Variants in EBF2 observed in about 807,000 individuals in gnomAD.
EBF2 encodes the protein transcription factor COE2.
Under a neutral mutation model 72.8 loss-of-function variants are expected in EBF2, and 21 were observed. The ratio of observed to expected loss-of-function variants is 0.29; its 90% confidence interval spans 0.20 to 0.42. EBF2 has a LOEUF of 0.42. Among genes scored for constraint, EBF2 ranks in the 10% least tolerant of loss-of-function variants. The pLI is 1.00. For missense variants in EBF2, 637 were observed against 731.2 expected, an observed-to-expected ratio of 0.87 and a Z score of 1.49; for synonymous variants, 299 against 274.2, an observed-to-expected ratio of 1.09 and a Z score of -0.89.
chr8:25,859,439 T>C (rs1156746896), intron 13 of EBF2, among the ~76,000 whole-genome samples: 1 of 152,130 alleles, frequency 6.6e-6, no homozygotes, highest in Non-Finnish European at 1.5e-5. Context: ...ATTCAAAAAG[T>C]GTGGATGAGT....
At chr8:26,005,206 G>GATAT (rs566917773) in intron 6 of EBF2, among the ~76,000 whole-genome samples, 2 of 97,774 alleles carry the variant, frequency 2.0e-5, no homozygotes, top group African/African-American at 8.0e-5. Context: ...GGGAGATGGA[G>GATAT]ATATATATAT....
chr8:26,017,658 G>T (rs985520891), intron 6 of EBF2, among the ~76,000 whole-genome samples: 1 of 152,168 alleles, frequency 6.6e-6, no homozygotes, highest in Admixed American at 6.5e-5. Context: ...CTGTGCCAAA[G>T]GATGCTTGGA....
intron 6 of EBF2, among the ~76,000 whole-genome samples, chr8:25,972,258 G>A (rs976252112): frequency 2.0e-5 from 3 of 152,168 alleles, no homozygotes; most frequent in Non-Finnish European, 4.4e-5. Flanking sequence ...CCCCGAGGGA[G>A]CCAACAATTA....
chr8:26,013,909 A>G (rs543261162), intron 6 of EBF2, among the ~76,000 whole-genome samples: 1 of 152,218 alleles, frequency 6.6e-6, no homozygotes, highest in South Asian at 2.1e-4. Flanking sequence ...TTCCCAAACC[A>G]TCAGGCTCTT....
Position 25,972,300 on chromosome 8 carries a change from G to A in EBF2, c.551+60785C>T, listed in dbSNP as rs188322151. Among the ~76,000 whole-genome samples the A allele has an allele frequency of 1.5e-4, 23 of 152,272 alleles. No homozygotes were observed. The East Asian group carries it at 1.7e-3, about 12-fold the overall frequency. On this transcript the variant is annotated intron_variant, in intron 6 of 15. Coordinates refer to ENST00000520164, the MANE Select transcript of EBF2 (RefSeq NM_022659.4). The stretch of plus-strand genomic sequence containing the variant: ...TGGTCCACCCATGACTAGGGATTGA[G>A]GGAGGCACCATCCCTCACCTTGGGT...
intron 2 of EBF2, 101 bp downstream of exon 2, chr8:26,041,994 G>T: frequency 6.7e-7 from 1 of 1,499,300 alleles, no homozygotes; most frequent in Non-Finnish European, 9.1e-7. Context: ...ATCCCTGATG[G>T]TGAGAGTGGA....
intron 6 of EBF2, among the ~76,000 whole-genome samples, chr8:25,926,745 C>T (rs185175389): frequency 6.6e-6 from 1 of 152,330 alleles, no homozygotes; most frequent in African/African-American, 2.4e-5. Context: ...CCATTCAACA[C>T]AGACAGGAGT....
chr8:25,894,591 A>G (rs984332696), intron 7 of EBF2, among the ~76,000 whole-genome samples: 3 of 151,672 alleles, frequency 2.0e-5, no homozygotes, highest in African/African-American at 7.3e-5. Context: ...GGTTTGCTTC[A>G]CTCTTCAAAA....
At chr8:26,010,690 T>G (rs1804964887) in intron 6 of EBF2, among the ~76,000 whole-genome samples, 2 of 152,230 alleles carry the variant, frequency 1.3e-5, no homozygotes, top group Non-Finnish European at 2.9e-5. Context: ...AATTAATTGA[T>G]TTATAAACAA....
At chr8:25,899,732 G>T (rs1436652977) in intron 7 of EBF2, among the ~76,000 whole-genome samples, 2 of 152,126 alleles carry the variant, frequency 1.3e-5, no homozygotes, top group Admixed American at 6.5e-5. Flanking sequence ...CCGACTAATG[G>T]CTCGTGCCCA....
intron 7 of EBF2, among the ~76,000 whole-genome samples, chr8:25,903,228 C>G (rs1295569816): frequency 1.5e-5 from 2 of 134,548 alleles, no homozygotes; most frequent in Admixed American, 1.6e-4. Context: ...AGAACAAGGT[C>G]TCACTACATT....
At chr8:25,971,864 G>T (rs1180779929) in intron 6 of EBF2, among the ~76,000 whole-genome samples, 1 of 152,246 alleles carries the variant, frequency 6.6e-6, no homozygotes, top group East Asian at 1.9e-4. Context: ...AGGGAGGCTG[G>T]TGGGAGTCTG....
chr8:25,859,862 G>C (rs1245645542), intron 13 of EBF2, among the ~76,000 whole-genome samples: 1 of 151,818 alleles, frequency 6.6e-6, no homozygotes, highest in Non-Finnish European at 1.5e-5. Flanking sequence ...GACTACAGAT[G>C]AGCACTACCA....
chr8:26,040,140 A>T, intron 4 of EBF2, 39 bp from the exon 5 acceptor site: 5 of 1,576,752 alleles, frequency 3.2e-6, no homozygotes, highest in Non-Finnish European at 3.5e-6. Context: ...AGATGTGGAG[A>T]GGGGTGGGGG....
chr8:25,998,963 T>C (rs1804678947), intron 6 of EBF2, among the ~76,000 whole-genome samples: 2 of 152,078 alleles, frequency 1.3e-5, no homozygotes. Context: ...GTAACTAGTA[T>C]AGGGAAAGAA....
intron 6 of EBF2, among the ~76,000 whole-genome samples, chr8:25,952,742 C>T (rs964375880): frequency 6.6e-6 from 1 of 152,216 alleles, no homozygotes; most frequent in Non-Finnish European, 1.5e-5. Flanking sequence ...TCCCACAGGG[C>T]TCTTTCTGCC....
intron 6 of EBF2, among the ~76,000 whole-genome samples, chr8:25,912,630 G>T (rs1245690969): frequency 6.6e-6 from 1 of 152,088 alleles, no homozygotes; most frequent in Non-Finnish European, 1.5e-5. Flanking sequence ...GCTTAATATT[G>T]AAAACTGCTG....
chr8:25,858,092 G>A lies in EBF2; in HGVS notation c.1528+227C>T, dbSNP rs868039725. 32 of 673,324 alleles carry A rather than the reference G, an allele frequency of 4.8e-5. 1 individual carries two copies. The Middle Eastern group carries it at 5.7e-3, about 121-fold the overall frequency. The allele number at this position is 673,324 out of a possible 1,614,324, so 41.7% of individuals were successfully genotyped here. A position where few individuals can be genotyped will look rare whatever the true frequency, so the allele number is the denominator to read the frequency against. ...CACATGCTCTTTCTCTATAAAAACGGAATTGTTTCAATCCTTTTCTTTCCC... is the reference window on the plus strand; with the variant it reads ...CACATGCTCTTTCTCTATAAAAACGAAATTGTTTCAATCCTTTTCTTTCCC... On this transcript the variant is annotated intron_variant, in intron 14 of 15. Coordinates refer to ENST00000520164, the MANE Select transcript of EBF2 (RefSeq NM_022659.4).
chr8:25,885,724 CT>C (rs1349304659), intron 10 of EBF2, among the ~76,000 whole-genome samples: 1 of 152,156 alleles, frequency 6.6e-6, no homozygotes, highest in Non-Finnish European at 1.5e-5. Flanking sequence ...ATTCTCTCGT[CT>C]GTCACCATGT....
Sources: gnomAD v4.1 joint callset for allele counts (sites outside exome capture counted in the v4.1 genomes callset) on GRCh38, gnomAD v4.1.1 for gene constraint, MANE v1.5 for transcripts, NCBI Gene and HGNC (gene_info 2026-07-23, HGNC 2026-07-21) for gene names.